The following FRMD5 variants were observed in gnomAD, a reference collection of about 807,000 sequenced individuals.
The protein encoded by FRMD5 is FERM domain containing 5.
A neutral mutation model predicts 69.0 loss-of-function variants in FRMD5; 20 were observed. The ratio of observed to expected loss-of-function variants is 0.29; its 90% CI spans 0.20 to 0.42. FRMD5 has a LOEUF of 0.42. Ranked by LOEUF, FRMD5 falls within the 10% of genes least tolerant of loss-of-function variation. FRMD5 has a pLI of 1.00. For synonymous variants in FRMD5, 271 were observed against 260.1 expected, an observed-to-expected ratio of 1.04 and a Z score of -0.40; for missense variants, 595 against 708.6, an observed-to-expected ratio of 0.84 and a Z score of 1.82.
intron 1 of FRMD5, among the ~76,000 whole-genome samples, chr15:43,993,603 A>G (rs1889787856): frequency 6.6e-6 from 1 of 152,226 alleles, no homozygotes; most frequent in Non-Finnish European, 1.5e-5. Context: ...CATTCGATGT[A>G]AAGTACAGTT....
intron 13 of FRMD5, among the ~76,000 whole-genome samples, chr15:43,875,186 G>A (rs1024934757): frequency 6.6e-5 from 10 of 151,888 alleles, no homozygotes; most frequent in Non-Finnish European, 2.9e-5. Flanking sequence ...GACAGAGCAA[G>A]ACTCTGCCTC....
chr15:44,072,020 CA>C (rs1278848676), intron 1 of FRMD5, among the ~76,000 whole-genome samples: 1 of 152,098 alleles, frequency 6.6e-6, no homozygotes, highest in Non-Finnish European at 1.5e-5. Flanking sequence ...CGCCCACCAC[CA>C]TGCCTGGCTA....
At chr15:44,016,882 T>C (rs1042454619) in intron 1 of FRMD5, among the ~76,000 whole-genome samples, 6 of 151,868 alleles carry the variant, frequency 4.0e-5, no homozygotes, top group Non-Finnish European at 8.8e-5. Flanking sequence ...TTTTGCAGGT[T>C]GGAATGCAGT....
chr15:43,992,643 G>T (rs917270486), intron 1 of FRMD5, among the ~76,000 whole-genome samples: 1 of 152,124 alleles, frequency 6.6e-6, no homozygotes, highest in African/African-American at 2.4e-5. Flanking sequence ...CGCCCAAAAC[G>T]CTGGGATTAC....
At chr15:43,990,124 A>G (rs1343471794) in intron 1 of FRMD5, 4 of 633,374 alleles carry the variant, frequency 6.3e-6, no homozygotes, top group Non-Finnish European at 1.2e-5. Context: ...TCACCTGCAA[A>G]GCTGGCCTTG....
chr15:44,148,590 T>C (rs189332991), intron 1 of FRMD5, among the ~76,000 whole-genome samples: 10 of 152,082 alleles, frequency 6.6e-5, no homozygotes, highest in East Asian at 3.9e-4. Context: ...TTTTAACAAA[T>C]TGAAGGTCTG....
intron 13 of FRMD5, chr15:43,875,738 G>A (rs918591474): frequency 3.5e-5 from 19 of 547,292 alleles, no homozygotes; most frequent in Non-Finnish European, 5.7e-5. Flanking sequence ...ATAGGTGTGA[G>A]CCACCGCACC....
chr15:44,026,315 T>C (rs1420110576), intron 1 of FRMD5, among the ~76,000 whole-genome samples: 1 of 152,232 alleles, frequency 6.6e-6, no homozygotes, highest in Non-Finnish European at 1.5e-5. Context: ...TTTCATTCAG[T>C]ATGTTTTGTC....
chr15:44,055,632 A>G (rs1265396797), intron 1 of FRMD5, among the ~76,000 whole-genome samples: 1 of 152,220 alleles, frequency 6.6e-6, no homozygotes, highest in Non-Finnish European at 1.5e-5. Context: ...ACCAAATAGG[A>G]AAAATAACTC....
rs182263073 is a variant in FRMD5 at position 44,093,024 on chromosome 15, C to T, written c.102+101929G>A. Among the ~76,000 whole-genome samples the T allele has an allele frequency of 3.6e-3, 521 of 145,356 alleles. 5 individuals carry two copies. Among genetic ancestry groups the T allele is most frequent in the African/African-American group, 0.013 (508 of 40,138 alleles). On this transcript the variant is annotated intron_variant, in intron 1 of 13. Coordinates refer to ENST00000417257, the MANE Select transcript of FRMD5 (RefSeq NM_032892.5). The stretch of plus-strand genomic sequence containing the variant: ...TCGGCTCACCACAACCTCTGCCTCC[C>T]GGGTTCAAGTGATTCTCCTGCCTCA...
chr15:44,035,969 A>G (rs1318314128), intron 1 of FRMD5, among the ~76,000 whole-genome samples: 2 of 152,186 alleles, frequency 1.3e-5, no homozygotes, highest in East Asian at 3.8e-4. Flanking sequence ...TCTTCCTCGT[A>G]GTAAACTCTC....
chr15:44,128,383 G>A (rs2077052633), intron 1 of FRMD5, among the ~76,000 whole-genome samples: 2 of 152,166 alleles, frequency 1.3e-5, no homozygotes, highest in African/African-American at 2.4e-5. Flanking sequence ...GGGAGACTGA[G>A]GCAGAATCAC....
intron 1 of FRMD5, among the ~76,000 whole-genome samples, chr15:44,082,878 A>G (rs971351108): frequency 6.6e-6 from 1 of 152,012 alleles, no homozygotes; most frequent in Non-Finnish European, 1.5e-5. Context: ...AGCACTTTGC[A>G]GGTGTACTGA....
chr15:43,939,907 C>G (rs1168829165), intron 1 of FRMD5, among the ~76,000 whole-genome samples: 1 of 152,138 alleles, frequency 6.6e-6, no homozygotes, highest in Non-Finnish European at 1.5e-5. Flanking sequence ...AAGCACCAGG[C>G]GCGGTGGCTC....
intron 1 of FRMD5, among the ~76,000 whole-genome samples, chr15:44,132,794 G>A (rs1363925728): frequency 1.3e-5 from 2 of 151,388 alleles, no homozygotes; most frequent in Non-Finnish European, 2.9e-5. Flanking sequence ...GTCTCGCCCT[G>A]TTGCCCAGGC....
intron 1 of FRMD5, among the ~76,000 whole-genome samples, chr15:43,962,802 G>T (rs1244177600): frequency 6.6e-6 from 1 of 152,164 alleles, no homozygotes; most frequent in Non-Finnish European, 1.5e-5. Flanking sequence ...ACAAGCAATG[G>T]GGAAAGGATT....
intron 1 of FRMD5, among the ~76,000 whole-genome samples, chr15:43,987,110 C>T (rs1027015604): frequency 1.3e-5 from 2 of 152,150 alleles, no homozygotes; most frequent in Non-Finnish European, 2.9e-5. Flanking sequence ...TCTCTTCAGG[C>T]TTTCCTATTC....
At chr15:43,924,427 A>C (rs2089547812) in intron 1 of FRMD5, 118 bp from the exon 2 acceptor site, 1 of 692,724 alleles carries the variant, frequency 1.4e-6, no homozygotes, top group African/African-American at 1.8e-5. Flanking sequence ...AAAGGGGTGA[A>C]TGTCCATAAC....
chr15:44,128,245 C>T (rs897162855), intron 1 of FRMD5, among the ~76,000 whole-genome samples: 3 of 152,074 alleles, frequency 2.0e-5, no homozygotes, highest in South Asian at 2.1e-4. Context: ...TTTGGGAGGC[C>T]GAGGCGGGTG....
Sources: allele counts gnomAD v4.1 joint callset (sites outside exome capture counted in the v4.1 genomes callset), GRCh38; gene constraint gnomAD v4.1.1; transcripts MANE v1.5; gene names NCBI Gene and HGNC (gene_info 2026-07-23, HGNC 2026-07-21).